TENM3: variants seen among roughly 807,000 people sequenced by gnomAD.
TENM3 encodes teneurin transmembrane protein 3.
Under a neutral mutation model 255.1 loss-of-function variants are expected in TENM3, and 63 were observed. The observed-to-expected ratio is 0.25, with a 90% CI of 0.20 to 0.30. TENM3 has a LOEUF of 0.30. Among genes scored for constraint, TENM3 ranks in the 10% least tolerant of loss-of-function variants. The pLI is 1.00. For synonymous variants in TENM3, 1,306 were observed against 1,322.3 expected (o/e 0.99, Z 0.27); for missense variants, 2,929 against 3,461.1 (o/e 0.85, Z 3.86).
chr4:181,949,195 G>A, the TENM3 span, among the ~76,000 whole-genome samples: 6 of 152,160 alleles, frequency 3.9e-5, no homozygotes, highest in Non-Finnish European at 8.8e-5. Context: ...CATGCAGAAT[G>A]TATATATGGG....
chr4:181,735,941 C>T, the TENM3 span, among the ~76,000 whole-genome samples: 6 of 152,146 alleles, frequency 3.9e-5, no homozygotes, highest in South Asian at 2.1e-4. Context: ...ATAAATGCTA[C>T]GTGTGATTTT....
intron 3 of TENM3, among the ~76,000 whole-genome samples, chr4:182,545,363 A>C (rs1741335585): frequency 6.6e-6 from 1 of 152,026 alleles, no homozygotes; most frequent in Non-Finnish European, 1.5e-5. Flanking sequence ...AAATATTTCC[A>C]CTTGCCTTCA....
rs1228621533 is a variant in TENM3 at position 182,442,711 on chromosome 4, C to A, written c.511+95782C>A. Among the ~76,000 whole-genome samples the A allele has an allele frequency of 4.0e-5, 6 of 151,842 alleles. No individual in the cohort carries two copies. In the South Asian group the frequency reaches 1.0e-3, roughly 26 times the overall value. The stretch of plus-strand genomic sequence containing the variant: ...GGCTCAAGTGATCCTCCTGCCTCAG[C>A]CTCCAGACTAACTGGGACTACAGGC... On this transcript the variant is annotated intron_variant, in intron 3 of 27. Coordinates refer to ENST00000511685, the MANE Select transcript of TENM3 (RefSeq NM_001080477.4).
chr4:182,364,643 C>T (rs541190526), intron 3 of TENM3, among the ~76,000 whole-genome samples: 1 of 152,100 alleles, frequency 6.6e-6, no homozygotes, highest in Non-Finnish European at 1.5e-5. Context: ...ATGGTCTCAA[C>T]CTCCTGACCT....
At chr4:182,240,538 G>A (rs1033562637), upstream of TENM3, among the ~76,000 whole-genome samples, 2 of 152,204 alleles carry the variant, frequency 1.3e-5, no homozygotes, top group Non-Finnish European at 2.9e-5. Context: ...TGTAGACCAT[G>A]TGTCATCAGC....
chr4:182,276,373 G>A (rs1253719544), intron 1 of TENM3, among the ~76,000 whole-genome samples: 1 of 152,058 alleles, frequency 6.6e-6, no homozygotes, highest in Non-Finnish European at 1.5e-5. Flanking sequence ...GTGTTTAAAC[G>A]GGCAGAACAC....
the TENM3 span, among the ~76,000 whole-genome samples, chr4:181,796,197 T>C: frequency 6.6e-6 from 1 of 152,196 alleles, no homozygotes; most frequent in Non-Finnish European, 1.5e-5. Context: ...TATTGTCACC[T>C]ATGTTCCTTA....
chr4:181,840,076 G>C, the TENM3 span, among the ~76,000 whole-genome samples: 15 of 152,050 alleles, frequency 9.9e-5, no homozygotes, highest in African/African-American at 3.6e-4. Flanking sequence ...TCTCTTGCAT[G>C]TTTTTATTGC....
chr4:181,589,820 G>A, the TENM3 span, among the ~76,000 whole-genome samples: 1 of 152,176 alleles, frequency 6.6e-6, no homozygotes, highest in Non-Finnish European at 1.5e-5. Flanking sequence ...GACCGTACGT[G>A]ATTCTCTCAG....
chr4:181,519,188 A>C, the TENM3 span, among the ~76,000 whole-genome samples: 1 of 152,356 alleles, frequency 6.6e-6, no homozygotes, highest in East Asian at 1.9e-4. Context: ...TTGTACCAGC[A>C]GGATATGGGA....
At chr4:181,480,323 G>A in the TENM3 span, among the ~76,000 whole-genome samples, 2 of 152,104 alleles carry the variant, frequency 1.3e-5, no homozygotes, top group African/African-American at 4.8e-5. Flanking sequence ...TTATAATTGT[G>A]TCTCAATTTG....
the TENM3 span, among the ~76,000 whole-genome samples, chr4:182,114,309 A>G: frequency 4.9e-5 from 4 of 82,106 alleles, no homozygotes; most frequent in African/African-American, 1.4e-4. Flanking sequence ...AATGAAATGC[A>G]TAGAATTTAG....
chr4:181,990,284 CT>C, the TENM3 span, among the ~76,000 whole-genome samples: 3 of 152,108 alleles, frequency 2.0e-5, no homozygotes, highest in African/African-American at 7.2e-5. Context: ...AAAAATGTTG[CT>C]GGAAATGTCT....
intron 3 of TENM3, among the ~76,000 whole-genome samples, chr4:182,362,391 G>A (rs1380068120): frequency 1.3e-4 from 20 of 151,668 alleles, no homozygotes; most frequent in South Asian, 4.2e-4. Flanking sequence ...AGAGCTTCCC[G>A]GCTGCTTTGT....
the TENM3 span, among the ~76,000 whole-genome samples, chr4:181,829,034 G>A: frequency 6.6e-6 from 1 of 152,306 alleles, no homozygotes; most frequent in South Asian, 2.1e-4. Flanking sequence ...CCGTTGCACT[G>A]CTCTCATTCA....
intron 3 of TENM3, among the ~76,000 whole-genome samples, chr4:182,448,544 G>A (rs972490540): frequency 8.5e-5 from 13 of 152,216 alleles, no homozygotes; most frequent in African/African-American, 3.1e-4. Flanking sequence ...CATGGGTTGG[G>A]AGAGAGATGC....
At chr4:181,837,151 T>C in the TENM3 span, among the ~76,000 whole-genome samples, 1 of 152,268 alleles carries the variant, frequency 6.6e-6, no homozygotes, top group African/African-American at 2.4e-5. Context: ...ACATGTAGAC[T>C]ATCATATCAT....
chr4:182,087,517 T>A, the TENM3 span, among the ~76,000 whole-genome samples: 1 of 152,142 alleles, frequency 6.6e-6, no homozygotes, highest in African/African-American at 2.4e-5. Context: ...TATTAAGCTT[T>A]TAGGCTGTGT....
chr4:182,070,169 G>C, the TENM3 span, among the ~76,000 whole-genome samples: 2 of 152,126 alleles, frequency 1.3e-5, no homozygotes, highest in Admixed American at 6.5e-5. Flanking sequence ...CATAGCTGTG[G>C]GTAGGGACGA....
Sources: allele counts gnomAD v4.1 joint callset (sites outside exome capture counted in the v4.1 genomes callset), GRCh38; gene constraint gnomAD v4.1.1; transcripts MANE v1.5; gene names NCBI Gene and HGNC (gene_info 2026-07-23, HGNC 2026-07-21).